The following REPS1 variants were observed in gnomAD, a reference collection of about 807,000 sequenced individuals.
REPS1 encodes the protein ralBP1-associated Eps domain-containing protein 1.
Under a neutral mutation model 100.9 loss-of-function variants are expected in REPS1, and 39 were observed. That is an observed-to-expected ratio of 0.39 (90% CI 0.30 to 0.50). The LOEUF (loss-of-function observed/expected upper bound fraction) is 0.50, where lower values mean the gene tolerates loss of function less well. REPS1 is among the 20% of genes least tolerant of loss of function. The pLI, the probability that REPS1 is intolerant of heterozygous loss-of-function variation, is 0.86. For synonymous variants in REPS1, 324 were observed against 340.3 expected (o/e 0.95, Z 0.53); for missense variants, 821 against 968.5 (o/e 0.85, Z 2.02).
intron 10 of REPS1, among the ~76,000 whole-genome samples, chr6:138,924,832 GC>G (rs1780995649): frequency 6.6e-6 from 1 of 152,096 alleles, no homozygotes; most frequent in South Asian, 2.1e-4. Flanking sequence ...TTCAATCATT[GC>G]CTTGTATTTC....
intron 2 of REPS1, among the ~76,000 whole-genome samples, chr6:138,947,131 G>T (rs949146944): frequency 6.7e-6 from 1 of 149,236 alleles, no homozygotes; most frequent in East Asian, 2.0e-4. Flanking sequence ...CACGATTGTA[G>T]GTTTCCTGTG....
chr6:138,957,583 T>A (rs1248669259), intron 1 of REPS1, among the ~76,000 whole-genome samples: 1 of 152,058 alleles, frequency 6.6e-6, no homozygotes, highest in African/African-American at 2.4e-5. Flanking sequence ...AGTAGATACA[T>A]GCCAAGAAAA....
At chr6:138,923,005 T>G (rs1171749658) in intron 10 of REPS1, among the ~76,000 whole-genome samples, 1 of 152,178 alleles carries the variant, frequency 6.6e-6, no homozygotes, top group African/African-American at 2.4e-5. Flanking sequence ...AAGTAATTTC[T>G]TGCCCCTACA....
rs201135918 is a variant in REPS1, at chr6:138,904,777, G to A, written c.*287C>T. Reference sequence around the variant, plus strand: ...AGCCCATTCTATAAATTAAATTGGTGTGTGGTATTAGCCATAGAAGCATTG... The same window carrying A: ...AGCCCATTCTATAAATTAAATTGGTATGTGGTATTAGCCATAGAAGCATTG... On this transcript the variant is annotated 3_prime_UTR_variant, in exon 20 of 20. Coordinates refer to ENST00000450536, the MANE Select transcript of REPS1 (RefSeq NM_001286611.2). 3 of 233,882 alleles carry A rather than the reference G, an allele frequency of 1.3e-5. No individual in the cohort carries two copies. Among genetic ancestry groups the A allele is most frequent in the South Asian group, 2.9e-4 (2 of 6,972 alleles). 14.5% of individuals were successfully genotyped at this position (233,882 alleles called of 1,614,324 possible). A position where few individuals can be genotyped will look rare whatever the true frequency, so the allele number is the denominator to read the frequency against.
rs112317836 is a variant in REPS1, at chr6:138,904,800, T to C, written c.*264A>G. On this transcript the variant is annotated 3_prime_UTR_variant, in exon 20 of 20. Transcript: ENST00000450536. Reference sequence around the variant, plus strand: ...GTGTGTGGTATTAGCCATAGAAGCATTGCATATCCCAGATGCTAGGGAACA... The same window carrying C: ...GTGTGTGGTATTAGCCATAGAAGCACTGCATATCCCAGATGCTAGGGAACA... 1,829 of 318,238 alleles carry C rather than the reference T, an allele frequency of 5.7e-3. 27 individuals are homozygous for C. Among genetic ancestry groups the C allele is most frequent in the African/African-American group, 0.036 (1,699 of 47,108 alleles). 19.7% of individuals were successfully genotyped at this position (318,238 alleles called of 1,614,324 possible). A position where few individuals can be genotyped will look rare whatever the true frequency, so the allele number is the denominator to read the frequency against.
At chr6:138,947,649 T>C in intron 2 of REPS1, 141 bp downstream of exon 2, 2 of 630,814 alleles carry the variant, frequency 3.2e-6, no homozygotes, top group Non-Finnish European at 5.1e-6. Flanking sequence ...AAATGCAAGG[T>C]AGTGGGAATA....
At position 138,943,884 on chromosome 6, in the gene REPS1, G is replaced by A. The variant is rs1782432237; in HGVS notation, c.885C>T (p.Thr295=). The part of the protein sequence containing the change: ...QRQYYVNQFK[T]IQPDLNGFIP... ...TAAATCCGTTTAGATCAGGCTGAAT[G>A]GTTTTAAACTGATTTACATAATACT... The change falls in exon 6 of 20, where the codon ACC becomes ACT. Residue 295 remains threonine, a synonymous_variant. Transcript: ENST00000450536. The A allele has an allele frequency of 1.2e-6, 2 of 1,613,456 alleles. No individual in the cohort carries two copies. Among genetic ancestry groups the A allele is most frequent in the Non-Finnish European group, 1.7e-6 (2 of 1,179,672 alleles).
chr6:138,925,002 C>A (rs1035563372), intron 10 of REPS1, among the ~76,000 whole-genome samples: 2 of 152,058 alleles, frequency 1.3e-5, no homozygotes, highest in African/African-American at 4.8e-5. Context: ...TGTTTGAATT[C>A]AATAAATGTA....
At chr6:138,979,869 C>T (rs368522899) in intron 1 of REPS1, among the ~76,000 whole-genome samples, 20 of 152,264 alleles carry the variant, frequency 1.3e-4, no homozygotes, top group African/African-American at 4.8e-4. Flanking sequence ...TTAAGTATCA[C>T]TAACATAGTG....
chr6:138,935,429 A>G (rs540328770), intron 8 of REPS1, among the ~76,000 whole-genome samples: 204 of 152,304 alleles, frequency 1.3e-3, no homozygotes, highest in African/African-American at 4.7e-3. Context: ...ATAGCTAAAC[A>G]TGGGAAAAAA....
At chr6:138,931,054 C>T (rs1364221015) in intron 8 of REPS1, among the ~76,000 whole-genome samples, 9 of 152,110 alleles carry the variant, frequency 5.9e-5, no homozygotes, top group Admixed American at 5.9e-4. Context: ...CCCCAGTCAA[C>T]AGGGAGTACC....
intron 1 of REPS1, among the ~76,000 whole-genome samples, chr6:138,950,007 C>T (rs889534712): frequency 7.2e-5 from 11 of 152,130 alleles, no homozygotes; most frequent in African/African-American, 2.7e-4. Context: ...TTTATACAAG[C>T]TTGTCATTTC....
chr6:138,976,609 T>A (rs1784615326), intron 1 of REPS1, among the ~76,000 whole-genome samples: 1 of 152,210 alleles, frequency 6.6e-6, no homozygotes, highest in African/African-American at 2.4e-5. Flanking sequence ...TTCTATAATT[T>A]CCCATAATAT....
intron 14 of REPS1, among the ~76,000 whole-genome samples, chr6:138,915,495 C>T (rs112386437): frequency 1.3e-5 from 2 of 150,532 alleles, no homozygotes; most frequent in African/African-American, 4.9e-5. Context: ...CTCTGTCACC[C>T]AGGCTGGAGT....
intron 1 of REPS1, among the ~76,000 whole-genome samples, chr6:138,975,272 GA>G (rs978018916): frequency 2.0e-5 from 3 of 152,098 alleles, no homozygotes; most frequent in Non-Finnish European, 2.9e-5. Flanking sequence ...CAAAACCTCA[GA>G]ATCATTCTTT....
chr6:138,955,818 T>G (rs1456010028), intron 1 of REPS1, among the ~76,000 whole-genome samples: 1 of 152,194 alleles, frequency 6.6e-6, no homozygotes, highest in African/African-American at 2.4e-5. Context: ...AACTTTACTG[T>G]GCCTCAGTTT....
At chr6:138,928,643 T>C (rs1781294727) in intron 9 of REPS1, 1 of 152,208 alleles carries the variant, frequency 6.6e-6, no homozygotes, top group African/African-American at 2.4e-5. Context: ...TACGATTTTA[T>C]TTAGAATGAA....
At chr6:138,937,787 A>G (rs948338005) in intron 8 of REPS1, among the ~76,000 whole-genome samples, 9 of 152,204 alleles carry the variant, frequency 5.9e-5, no homozygotes, top group Admixed American at 2.6e-4. Flanking sequence ...ATGTCTGTCT[A>G]TTCCTGTACT....
intron 8 of REPS1, among the ~76,000 whole-genome samples, chr6:138,937,432 T>C (rs1428832291): frequency 1.3e-5 from 2 of 152,198 alleles, no homozygotes; most frequent in Admixed American, 6.5e-5. Flanking sequence ...AGTGATTTAC[T>C]TGCACCAAGG....
Sources: gnomAD v4.1 joint callset for allele counts (sites outside exome capture counted in the v4.1 genomes callset) on GRCh38, gnomAD v4.1.1 for gene constraint, MANE v1.5 for transcripts, NCBI Gene and HGNC (gene_info 2026-07-23, HGNC 2026-07-21) for gene names.